Variants in CAST observed in about 807,000 individuals in gnomAD.
CAST encodes the protein MIR583 host.
In CAST, 76 loss-of-function variants were observed where a neutral mutation model predicts 119.6. That is an observed-to-expected ratio of 0.64 (90% confidence interval 0.53 to 0.77). The LOEUF is 0.77. CAST is among the 30% of genes least tolerant of loss of function. The pLI, the probability that CAST is intolerant of heterozygous loss-of-function variation, is 0.00. For synonymous variants in CAST, 319 were observed against 331.6 expected (o/e 0.96, Z 0.41); for missense variants, 953 against 946.5 (o/e 1.01, Z -0.09).
the CAST span, among the ~76,000 whole-genome samples, chr5:96,193,466 C>T: frequency 6.6e-6 from 1 of 152,074 alleles, no homozygotes; most frequent in Non-Finnish European, 1.5e-5. Flanking sequence ...AATACATTAT[C>T]AATTATTTGA....
the CAST span, among the ~76,000 whole-genome samples, chr5:96,014,089 C>T: frequency 5.9e-5 from 9 of 151,630 alleles, no homozygotes; most frequent in African/African-American, 2.2e-4. Flanking sequence ...ATATATTATA[C>T]AGCTGTACAA....
In CAST at chr5:96,741,301, G is replaced by C; in HGVS notation, c.954G>C (p.Leu318Phe). The C allele has an allele frequency of 6.2e-7, 1 of 1,613,294 alleles. No homozygotes were observed. Among genetic ancestry groups the C allele is most frequent in the Non-Finnish European group, 8.5e-7 (1 of 1,179,288 alleles). The part of the protein sequence containing the change: ...PIGPDDAIDA[L>F]SSDFTCGSPT... Reference sequence around the variant, plus strand: ...GGCCAGATGATGCTATAGACGCCTTGTCATCTGACTTCACCTGTGGGTCGC... The same window carrying C: ...GGCCAGATGATGCTATAGACGCCTTCTCATCTGACTTCACCTGTGGGTCGC... The change falls in exon 14 of 32, where the codon TTG (leucine) becomes TTC (phenylalanine). Residue 318 changes from leucine (L) to phenylalanine (F), a missense_variant. Physicochemically the swap from Leu to Phe is conservative, Grantham distance 22. Coordinates refer to ENST00000675179, the MANE Select transcript of CAST (RefSeq NM_001750.7).
At chr5:96,092,425 C>A in the CAST span, among the ~76,000 whole-genome samples, 1 of 152,124 alleles carries the variant, frequency 6.6e-6, no homozygotes, top group Admixed American at 6.5e-5. Context: ...GTATAAAATT[C>A]TCTTGGGTCT....
At chr5:96,618,925 T>C (rs1005525475) in intron 1 of CAST, among the ~76,000 whole-genome samples, 2 of 152,256 alleles carry the variant, frequency 1.3e-5, no homozygotes, top group Admixed American at 6.5e-5. Context: ...GCTGGGCTCC[T>C]GAGTCGAGTG....
chr5:96,391,361 G>A, the CAST span: 2 of 152,164 alleles, frequency 1.3e-5, no homozygotes. Flanking sequence ...AAACTTCATG[G>A]AAAAATTGCA....
At chr5:96,314,050 T>C in the CAST span, among the ~76,000 whole-genome samples, 1 of 152,216 alleles carries the variant, frequency 6.6e-6, no homozygotes, top group African/African-American at 2.4e-5. Context: ...GGCTTCTGTA[T>C]GCATAGGAAC....
chr5:96,419,241 T>C, the CAST span, among the ~76,000 whole-genome samples: 1 of 151,038 alleles, frequency 6.6e-6, no homozygotes, highest in Admixed American at 6.6e-5. Context: ...GATATAGATA[T>C]AGATAAATAA....
At chr5:96,116,767 T>A in the CAST span, among the ~76,000 whole-genome samples, 1 of 152,240 alleles carries the variant, frequency 6.6e-6, no homozygotes, top group African/African-American at 2.4e-5. Context: ...CTTACTTTTT[T>A]AAAAAATTGG....
chr5:96,046,808 T>C, the CAST span, among the ~76,000 whole-genome samples: 1,077 of 151,812 alleles, frequency 7.1e-3, 4 homozygotes, highest in African/African-American at 0.025. Flanking sequence ...TGGTGGGAGG[T>C]GAAAGGCACT....
chr5:96,561,949 C>T (rs1746379935), intron 1 of CAST, among the ~76,000 whole-genome samples: 1 of 145,408 alleles, frequency 6.9e-6, no homozygotes, highest in South Asian at 2.2e-4. Context: ...CCCGCTACCA[C>T]GCCCGGCTAA....
chr5:96,494,844 G>T, the CAST span, among the ~76,000 whole-genome samples: 1 of 152,184 alleles, frequency 6.6e-6, no homozygotes, highest in South Asian at 2.1e-4. Flanking sequence ...TTGGCCGGGC[G>T]CAGTAGCTCA....
chr5:96,750,744 C>T (rs745776567), intron 20 of CAST, 62 bp downstream of exon 20: 5 of 883,180 alleles, frequency 5.7e-6, no homozygotes, highest in Admixed American at 1.8e-5. Context: ...CCTCCTGTCA[C>T]TCTCTGCTGT....
At chr5:96,260,331 G>A in the CAST span, among the ~76,000 whole-genome samples, 1 of 152,238 alleles carries the variant, frequency 6.6e-6, no homozygotes, top group African/African-American at 2.4e-5. Context: ...TTGGAACAAA[G>A]ACTTCTGTGG....
the CAST span, among the ~76,000 whole-genome samples, chr5:96,451,562 C>T: frequency 6.6e-6 from 1 of 152,168 alleles, no homozygotes; most frequent in African/African-American, 2.4e-5. Context: ...CTAGGCAATA[C>T]CATTCAGGAC....
intron 1 of CAST, among the ~76,000 whole-genome samples, chr5:96,531,519 C>G (rs1459843): frequency 6.6e-6 from 1 of 151,980 alleles, no homozygotes; most frequent in Non-Finnish European, 1.5e-5. Flanking sequence ...TCCTAAGAAG[C>G]ACTTTAATGT....
the CAST span, among the ~76,000 whole-genome samples, chr5:96,500,215 A>C: frequency 1.3e-5 from 2 of 152,240 alleles, no homozygotes; most frequent in African/African-American, 4.8e-5. Flanking sequence ...CAAAGTAAAC[A>C]CATGCTGTTG....
the CAST span, among the ~76,000 whole-genome samples, chr5:96,492,301 C>T: frequency 3.0e-4 from 45 of 152,260 alleles, no homozygotes; most frequent in East Asian, 7.3e-3. Flanking sequence ...TTAAGAGATC[C>T]GTGGAAAGTG....
At chr5:96,191,922 A>G in the CAST span, among the ~76,000 whole-genome samples, 18 of 152,346 alleles carry the variant, frequency 1.2e-4, no homozygotes, top group African/African-American at 4.1e-4. Context: ...TCAAAAAACA[A>G]ATATAATTTC....
chr5:96,105,776 T>A, the CAST span, among the ~76,000 whole-genome samples: 14 of 152,192 alleles, frequency 9.2e-5, no homozygotes, highest in Non-Finnish European at 1.8e-4. Flanking sequence ...GATTCCCTCT[T>A]TTTGTATTGA....
Sources: gnomAD v4.1 joint callset for allele counts (sites outside exome capture counted in the v4.1 genomes callset) on GRCh38, gnomAD v4.1.1 for gene constraint, MANE v1.5 for transcripts, NCBI Gene and HGNC (gene_info 2026-07-23, HGNC 2026-07-21) for gene names.